The following FAAH2 variants were observed in gnomAD, a reference collection of about 807,000 sequenced individuals.
FAAH2 encodes fatty acid amide hydrolase 2.
In FAAH2, 60 loss-of-function variants were observed where a neutral mutation model predicts 36.9. That is an observed-to-expected ratio of 1.63 (90% confidence interval 1.32 to 2.02). FAAH2 has a LOEUF of 2.02. FAAH2 is among the 30% of genes most tolerant of loss of function. FAAH2 has a pLI of 0.00. For missense variants in FAAH2, 689 were observed against 397.5 expected, an observed-to-expected ratio of 1.73 and a Z score of -6.23; for synonymous variants, 214 against 143.8, an observed-to-expected ratio of 1.49 and a Z score of -3.49.
the FAAH2 span, among the ~76,000 whole-genome samples, chrX:57,275,935 T>G: frequency 5.0e-4 from 56 of 111,237 alleles, no homozygotes; most frequent in Admixed American, 3.8e-4. Context: ...AGTCCTTAGA[T>G]ACCTACAAAG....
chrX:57,151,102 G>A, the FAAH2 span, among the ~76,000 whole-genome samples: 64 of 112,383 alleles, frequency 5.7e-4, no homozygotes, highest in African/African-American at 2.1e-3. Flanking sequence ...ACTCTCTTCT[G>A]GCTTGTAGAG....
chrX:57,351,982 T>C (rs2054008581), intron 5 of FAAH2, among the ~76,000 whole-genome samples: 1 of 88,895 alleles, frequency 1.1e-5, no homozygotes, highest in Non-Finnish European at 2.2e-5. Context: ...ATCACTCTGA[T>C]ACCAAAACAA....
chrX:57,233,783 G>A, the FAAH2 span, among the ~76,000 whole-genome samples: 1 of 112,734 alleles, frequency 8.9e-6, no homozygotes, highest in African/African-American at 3.2e-5. Flanking sequence ...GAGATTACAG[G>A]CGTGCGCCAC....
chrX:57,325,583 G>T (rs1054161913), intron 3 of FAAH2, among the ~76,000 whole-genome samples: 1 of 106,852 alleles, frequency 9.4e-6, no homozygotes, highest in Non-Finnish European at 1.9e-5. Flanking sequence ...TGTAGGTGTC[G>T]AGGAATTTAT....
chrX:57,323,235 G>A (rs1423867638), intron 3 of FAAH2, among the ~76,000 whole-genome samples: 3 of 111,573 alleles, frequency 2.7e-5, no homozygotes, highest in African/African-American at 9.8e-5. Context: ...GTCTATCATT[G>A]TTGGACATTT....
intron 8 of FAAH2, among the ~76,000 whole-genome samples, chrX:57,438,272 GATA>G (rs2056460270): frequency 9.5e-6 from 1 of 105,317 alleles, no homozygotes; most frequent in African/African-American, 3.4e-5. Context: ...TATAGATATA[GATA>G]TAGATATCAG....
the FAAH2 span, among the ~76,000 whole-genome samples, chrX:57,209,981 G>T: frequency 0.034 from 3,710 of 109,276 alleles, 57 homozygotes; most frequent in South Asian, 0.065. Context: ...CCTCAAAATT[G>T]CTGTGCTCTC....
rs777061732 is a variant in FAAH2 at position 57,468,758 on chromosome X, A to G, written c.1424-19999A>G. Among the ~76,000 whole-genome samples the G allele has an allele frequency of 2.7e-5, 3 of 111,399 alleles. No homozygotes were observed. The Admixed American group carries it at 2.9e-4, about 11-fold the overall frequency. ...AGGAAATACAGAGAATGCTGCAAAGATACTCCTCGAGATGAGCAACTCCAA... is the reference window on the plus strand; with the variant it reads ...AGGAAATACAGAGAATGCTGCAAAGGTACTCCTCGAGATGAGCAACTCCAA... On this transcript the variant is annotated intron_variant, in intron 10 of 10. Coordinates refer to ENST00000374900, the MANE Select transcript of FAAH2 (RefSeq NM_174912.4).
chrX:57,427,175 A>G (rs1213729350), intron 7 of FAAH2, among the ~76,000 whole-genome samples: 1 of 110,795 alleles, frequency 9.0e-6, no homozygotes, highest in East Asian at 2.8e-4. Flanking sequence ...ACGACCTCCT[A>G]AGATTGAAAC....
intron 7 of FAAH2, among the ~76,000 whole-genome samples, chrX:57,415,205 C>G (rs1046156751): frequency 9.2e-6 from 1 of 108,419 alleles, no homozygotes; most frequent in East Asian, 2.9e-4. Flanking sequence ...GATTTTTCGA[C>G]GAGTTTTCAT....
the FAAH2 span, among the ~76,000 whole-genome samples, chrX:57,154,429 ATTT>A: frequency 1.0e-5 from 1 of 99,475 alleles, no homozygotes. Context: ...ATGCCTGGCG[ATTT>A]TTTTTTTTTA....
intron 7 of FAAH2, among the ~76,000 whole-genome samples, chrX:57,409,487 T>G (rs1387258741): frequency 1.8e-5 from 2 of 111,497 alleles, no homozygotes; most frequent in Non-Finnish European, 3.8e-5. Flanking sequence ...TTTAAATCAT[T>G]GGTAAAATTC....
the FAAH2 span, among the ~76,000 whole-genome samples, chrX:57,194,713 G>A: frequency 1.8e-5 from 2 of 110,546 alleles, no homozygotes; most frequent in African/African-American, 3.3e-5. Context: ...TGTACCCAAT[G>A]TGTAATCTTT....
At chrX:57,162,322 T>C in the FAAH2 span, among the ~76,000 whole-genome samples, 2 of 111,502 alleles carry the variant, frequency 1.8e-5, no homozygotes, top group African/African-American at 3.3e-5. Context: ...CTTTGGTGAA[T>C]CTGACAATTA....
chrX:57,468,967 T>C (rs1391361380), intron 10 of FAAH2, among the ~76,000 whole-genome samples: 1 of 111,747 alleles, frequency 8.9e-6, no homozygotes, highest in Non-Finnish European at 1.9e-5. Flanking sequence ...GAAAAGAATT[T>C]TCAACCCAGA....
chrX:57,426,098 A>G (rs1221733237), intron 7 of FAAH2, among the ~76,000 whole-genome samples: 1 of 111,993 alleles, frequency 8.9e-6, no homozygotes, highest in African/African-American at 3.2e-5. Context: ...CTGACATCAT[A>G]GAATGAGATA....
intron 5 of FAAH2, among the ~76,000 whole-genome samples, chrX:57,375,594 G>A (rs1182430926): frequency 9.1e-6 from 1 of 110,127 alleles, no homozygotes; most frequent in African/African-American, 3.3e-5. Flanking sequence ...TTCTAATTGA[G>A]CTTCTTTTCT....
intron 3 of FAAH2, among the ~76,000 whole-genome samples, chrX:57,330,864 C>CT (rs1187478616): frequency 9.0e-6 from 1 of 110,710 alleles, no homozygotes; most frequent in Non-Finnish European, 1.9e-5. Flanking sequence ...TGTTCCAGGA[C>CT]TTTGCAGGTC....
Position 57,337,891 on chromosome X carries a change from G to T in FAAH2, c.623-3380G>T, listed in dbSNP as rs191305649. Among the ~76,000 whole-genome samples, 35 of 111,886 alleles carry T rather than the reference G, an allele frequency of 3.1e-4. No individual in the cohort carries two copies. In the East Asian group the frequency reaches 3.4e-3, roughly 11 times the overall value. On this transcript the variant is annotated intron_variant, in intron 4 of 10. Transcript: ENST00000374900. ...ACTGCTCTGATACAACATAGTATTG[G>T]ATGTTCTGGCCAGACAATTAGGCAA... is the stretch of plus-strand genomic sequence containing the variant.
Sources: allele counts gnomAD v4.1 joint callset (sites outside exome capture counted in the v4.1 genomes callset), GRCh38; gene constraint gnomAD v4.1.1; transcripts MANE v1.5; gene names NCBI Gene and HGNC (gene_info 2026-07-23, HGNC 2026-07-21).